Variants in CD59 observed in about 807,000 individuals in gnomAD.
CD59 encodes CD59 molecule (CD59 blood group).
Under a neutral mutation model 7.0 loss-of-function variants are expected in CD59, and 3 were observed. The ratio of observed to expected loss-of-function variants is 0.43; its 90% CI spans 0.19 to 1.10. The LOEUF is 1.10. Among genes scored for constraint, CD59 ranks in the 50% least tolerant of loss-of-function variants. CD59 has a pLI of 0.29. For synonymous variants in CD59, 60 were observed against 62.0 expected, an observed-to-expected ratio of 0.97 and a Z score of 0.15; for missense variants, 143 against 151.0, an observed-to-expected ratio of 0.95 and a Z score of 0.28.
chr11:33,729,110 ACTC>A (rs1854340238), intron 1 of CD59, among the ~76,000 whole-genome samples: 1 of 152,068 alleles, frequency 6.6e-6, no homozygotes, highest in African/African-American at 2.4e-5. Context: ...CGGTATGGTG[ACTC>A]CTCAAGGATC....
chr11:33,708,150 C>A lies in CD59; in HGVS notation c.*1976G>T, dbSNP rs566817566. 1 of 152,156 alleles carries A rather than the reference C, an allele frequency of 6.6e-6. No homozygotes were observed. Among genetic ancestry groups the A allele is most frequent in the Non-Finnish European group, 1.5e-5 (1 of 68,048 alleles). The allele number at this position is 152,156 out of a possible 1,614,324, so 9.4% of individuals were successfully genotyped here. A position where few individuals can be genotyped will look rare whatever the true frequency, so the allele number is the denominator to read the frequency against. ...TAAATGTCTTTACATTACAGTATTG[C>A]CTTTGGGTCCAGGCACTCAACCTTG... On this transcript the variant is annotated 3_prime_UTR_variant, in exon 4 of 4. Coordinates refer to ENST00000642928, the MANE Select transcript of CD59 (RefSeq NM_000611.6).
At position 33,712,942 on chromosome 11, in the gene CD59, T is replaced by C. The variant is rs1355197580; in HGVS notation, c.170-2599A>G. On this transcript the variant is annotated intron_variant, in intron 3 of 3. Coordinates refer to ENST00000642928, the MANE Select transcript of CD59 (RefSeq NM_000611.6). ...TATCATCATGGAAGAATACACTTCG[T>C]TTATGTTTCTATTGAGTTTTTTTAA... 2.6e-5 allele frequency among the ~76,000 whole-genome samples: 4 copies of C among 152,218 alleles called. No homozygotes were observed. The East Asian group carries it at 7.7e-4, about 29-fold the overall frequency.
intron 3 of CD59, among the ~76,000 whole-genome samples, chr11:33,714,303 T>C (rs1483002419): frequency 6.6e-6 from 1 of 152,234 alleles, no homozygotes; most frequent in Admixed American, 6.5e-5. Flanking sequence ...TACTGAATAC[T>C]GTAGGCAACT....
intron 1 of CD59, among the ~76,000 whole-genome samples, chr11:33,730,115 T>C (rs1854372640): frequency 6.6e-6 from 1 of 152,104 alleles, no homozygotes; most frequent in Non-Finnish European, 1.5e-5. Flanking sequence ...CCCAAAAACA[T>C]ACACAAATCT....
intron 1 of CD59, among the ~76,000 whole-genome samples, chr11:33,730,286 G>A (rs141442129): frequency 6.6e-6 from 1 of 151,956 alleles, no homozygotes; most frequent in East Asian, 1.9e-4. Flanking sequence ...GTGGTGGCGT[G>A]TGCCTGTAGT....
In CD59 at chr11:33,710,219, T is replaced by C; in HGVS notation, c.294A>G (p.Glu98=). 1 of 1,614,180 alleles carries C rather than the reference T, an allele frequency of 6.2e-7. No individual in the cohort carries two copies. The highest frequency in any genetic ancestry group is 8.5e-7 in the Non-Finnish European group (1 of 1,180,010). The change falls in exon 4 of 4, where the codon GAA becomes GAG. Residue 98 remains glutamate (E), a synonymous_variant. Transcript: ENST00000642928. The part of the protein sequence containing the change: ...CCKKDLCNFN[E]QLENGGTSLS... ...AGGATGTCCCACCATTTTCAAGCTG[T>C]TCGTTAAAGTTACACAGGTCCTTCT... is the stretch of plus-strand genomic sequence containing the variant.
intron 1 of CD59, among the ~76,000 whole-genome samples, chr11:33,726,030 G>A (rs1356675658): frequency 1.3e-5 from 2 of 152,138 alleles, no homozygotes; most frequent in Non-Finnish European, 2.9e-5. Flanking sequence ...GACGCATAAA[G>A]CAAGTTCTTA....
At chr11:33,716,572 C>G (rs1007131041) in intron 3 of CD59, among the ~76,000 whole-genome samples, 6 of 152,228 alleles carry the variant, frequency 3.9e-5, no homozygotes, top group African/African-American at 1.2e-4. Context: ...CAGAACCACA[C>G]CCCAGCAAGA....
Position 33,709,860 on chromosome 11 carries a change from C to T in CD59, c.*266G>A, listed in dbSNP as rs842. 145,482 of 563,790 alleles carry T rather than the reference C, an allele frequency of 0.26. 20,589 individuals are homozygous for T. The highest frequency in any genetic ancestry group is 0.34 in the Middle Eastern group (716 of 2,100). The allele number at this position is 563,790 out of a possible 1,614,324, so 34.9% of individuals were successfully genotyped here. A position where few individuals can be genotyped will look rare whatever the true frequency, so the allele number is the denominator to read the frequency against. On this transcript the variant is annotated 3_prime_UTR_variant, in exon 4 of 4. Transcript: ENST00000642928. ...GCTGTCACTGCAAAGCTGGTCTTCC[C>T]AAGAGCAAAGGAGGAAGCATGCAAT...
rs574292822 is a variant in CD59 at position 33,731,130 on chromosome 11, G to A, written c.-19+5252C>T. 7.2e-5 allele frequency among the ~76,000 whole-genome samples: 11 copies of A among 152,194 alleles called. No homozygotes were observed. The South Asian group carries it at 2.3e-3, about 32-fold the overall frequency. On this transcript the variant is annotated intron_variant, in intron 1 of 3. Transcript: ENST00000642928. ...CGGTAAAGTTTCTGGTCAACAGTAG[G>A]CTATTAGTAATTAAGTTTTGGGGGA...
intron 3 of CD59, among the ~76,000 whole-genome samples, chr11:33,716,355 TTC>T (rs1413129866): frequency 6.6e-6 from 1 of 152,218 alleles, no homozygotes; most frequent in East Asian, 1.9e-4. Flanking sequence ...CCCAAGGCTT[TTC>T]TGAGTTTACC....
chr11:33,716,710 G>A (rs1590524586), intron 3 of CD59, among the ~76,000 whole-genome samples: 1 of 152,168 alleles, frequency 6.6e-6, no homozygotes, highest in South Asian at 2.1e-4. Context: ...GACAGGACTT[G>A]TGCATGTTAG....
intron 1 of CD59, among the ~76,000 whole-genome samples, chr11:33,735,190 G>A (rs1854529574): frequency 6.6e-6 from 1 of 152,162 alleles, no homozygotes; most frequent in African/African-American, 2.4e-5. Context: ...GGAGTAAACC[G>A]CCAGGAGTGG....
intron 2 of CD59, chr11:33,718,092 T>C (rs115412378): frequency 0.024 from 3,685 of 155,706 alleles, 143 homozygotes; most frequent in African/African-American, 0.083. Context: ...GTTATGAATT[T>C]TGTCAATAAA....
intron 1 of CD59, among the ~76,000 whole-genome samples, chr11:33,728,935 T>C (rs1314742463): frequency 6.6e-6 from 1 of 152,216 alleles, no homozygotes; most frequent in Non-Finnish European, 1.5e-5. Flanking sequence ...TCACTGGTCA[T>C]TAGAGAAATG....
chr11:33,710,589 C>G (rs540037187), intron 3 of CD59, among the ~76,000 whole-genome samples: 2 of 152,278 alleles, frequency 1.3e-5, no homozygotes, highest in South Asian at 4.1e-4. Context: ...GGAGGAGGAA[C>G]AGGCATTTAT....
At chr11:33,711,595 T>C (rs1245626037) in intron 3 of CD59, 22 of 571,412 alleles carry the variant, frequency 3.9e-5, no homozygotes, top group Non-Finnish European at 6.7e-5. Context: ...GAGGATCACT[T>C]GGACTCAGGA....
At chr11:33,735,478 C>T (rs1854538699) in intron 1 of CD59, among the ~76,000 whole-genome samples, 1 of 152,144 alleles carries the variant, frequency 6.6e-6, no homozygotes, top group South Asian at 2.1e-4. Context: ...TCTTATTGCC[C>T]AGGCAGTAGG....
intron 3 of CD59, among the ~76,000 whole-genome samples, chr11:33,711,171 A>C (rs2133526374): frequency 6.6e-6 from 1 of 152,312 alleles, no homozygotes; most frequent in East Asian, 1.9e-4. Flanking sequence ...AATGTTTGCA[A>C]ATCACATGTA....
Sources: allele counts gnomAD v4.1 joint callset (sites outside exome capture counted in the v4.1 genomes callset), GRCh38; gene constraint gnomAD v4.1.1; transcripts MANE v1.5; gene names NCBI Gene and HGNC (gene_info 2026-07-23, HGNC 2026-07-21).